The following EFHC2 variants were observed in gnomAD, a reference collection of about 807,000 sequenced individuals.
EFHC2 encodes the protein EF-hand domain-containing family member C2.
A neutral mutation model predicts 52.7 loss-of-function variants in EFHC2; 18 were observed. That is an observed-to-expected ratio of 0.34 (90% CI 0.24 to 0.51). The LOEUF (loss-of-function observed/expected upper bound fraction) is 0.51. Ranked by LOEUF, EFHC2 falls within the 20% of genes least tolerant of loss-of-function variation. The pLI is 0.97. For synonymous variants in EFHC2, 203 were observed against 204.1 expected, an observed-to-expected ratio of 0.99 and a Z score of 0.04; for missense variants, 513 against 562.5, an observed-to-expected ratio of 0.91 and a Z score of 0.89.
chrX:44,208,986 C>G (rs1337552460), intron 11 of EFHC2, among the ~76,000 whole-genome samples: 1 of 105,007 alleles, frequency 9.5e-6, no homozygotes, highest in Non-Finnish European at 1.9e-5. Flanking sequence ...GGGGAAAGGA[C>G]AGACAATGCA....
chrX:44,333,252 T>G (rs1337102728), intron 1 of EFHC2, among the ~76,000 whole-genome samples: 1 of 111,394 alleles, frequency 9.0e-6, no homozygotes, highest in African/African-American at 3.3e-5. Context: ...TGCAAGCTTA[T>G]GTAGACAGAT....
chrX:44,208,458 A>G (rs2037065895), intron 11 of EFHC2, among the ~76,000 whole-genome samples: 1 of 111,663 alleles, frequency 9.0e-6, no homozygotes, highest in Admixed American at 9.5e-5. Flanking sequence ...ATACATAAAG[A>G]TGGAAATTAT....
intron 11 of EFHC2, among the ~76,000 whole-genome samples, chrX:44,207,743 CA>C (rs1343827841): frequency 8.9e-6 from 1 of 111,816 alleles, no homozygotes; most frequent in African/African-American, 3.3e-5. Flanking sequence ...ATAATATTTG[CA>C]AACTATGAAC....
chrX:44,195,026 C>T (rs943908056), intron 11 of EFHC2, among the ~76,000 whole-genome samples: 4 of 111,944 alleles, frequency 3.6e-5, no homozygotes, highest in Non-Finnish European at 7.5e-5. Context: ...ATTTCCATTC[C>T]CTCTGTGGGA....
chrX:44,181,237 T>C (rs1271447462), intron 11 of EFHC2, among the ~76,000 whole-genome samples: 1 of 111,509 alleles, frequency 9.0e-6, no homozygotes, highest in Non-Finnish European at 1.9e-5. Flanking sequence ...GAAGGATGCA[T>C]GCCAAAACAT....
At chrX:44,310,270 C>CGGGT (rs1556023739) in intron 2 of EFHC2, 34 of 1,016,212 alleles carry the variant, frequency 3.3e-5, no homozygotes, top group African/African-American at 5.6e-5. Flanking sequence ...AGCAGCGGCT[C>CGGGT]ATCCTCCACG....
At chrX:44,319,663 T>C (rs963932653) in intron 1 of EFHC2, among the ~76,000 whole-genome samples, 2 of 112,590 alleles carry the variant, frequency 1.8e-5, no homozygotes, top group Non-Finnish European at 3.8e-5. Flanking sequence ...TTTTCATTTC[T>C]TTTTTTCTTA....
At chrX:44,263,855 A>T (rs2037558303) in intron 3 of EFHC2, among the ~76,000 whole-genome samples, 1 of 112,014 alleles carries the variant, frequency 8.9e-6, no homozygotes, top group South Asian at 3.8e-4. Context: ...TAGAAATTCA[A>T]ATAAGCAAGT....
chrX:44,162,086 C>T (rs2036659432), intron 14 of EFHC2, among the ~76,000 whole-genome samples: 2 of 111,673 alleles, frequency 1.8e-5, no homozygotes, highest in African/African-American at 3.3e-5. Flanking sequence ...AGTTGGCACA[C>T]AGTAAATGCT....
intron 11 of EFHC2, among the ~76,000 whole-genome samples, chrX:44,199,704 G>A (rs900489069): frequency 8.9e-6 from 1 of 111,833 alleles, no homozygotes; most frequent in African/African-American, 3.2e-5. Context: ...TGAATCAAGT[G>A]ATCAAGGCCA....
chrX:44,167,185 C>A (rs1459675435), intron 13 of EFHC2, among the ~76,000 whole-genome samples: 1 of 112,288 alleles, frequency 8.9e-6, no homozygotes, highest in Non-Finnish European at 1.9e-5. Flanking sequence ...TACTAACCTT[C>A]TTCTGGTTCC....
intron 11 of EFHC2, among the ~76,000 whole-genome samples, chrX:44,203,772 G>A (rs1434011095): frequency 1.8e-5 from 2 of 110,648 alleles, no homozygotes; most frequent in Non-Finnish European, 3.8e-5. Context: ...TTTTTCTTTC[G>A]TAGAGATTCA....
At chrX:44,332,145 C>T (rs902127895) in intron 1 of EFHC2, among the ~76,000 whole-genome samples, 1 of 110,333 alleles carries the variant, frequency 9.1e-6, no homozygotes, top group Non-Finnish European at 1.9e-5. Context: ...TAGGTCTGAA[C>T]ACAGCTGAGC....
At chrX:44,310,493 A>G in intron 2 of EFHC2, 1 of 510,425 alleles carries the variant, frequency 2.0e-6, no homozygotes, top group South Asian at 3.9e-5. Context: ...AGCGCGGCAA[A>G]GGAGAGTGAG....
chrX:44,215,517 G>GC (rs1327311025), intron 11 of EFHC2, among the ~76,000 whole-genome samples: 1 of 94,139 alleles, frequency 1.1e-5, no homozygotes. Context: ...TCAAGAGAAA[G>GC]CATACTTCCA....
intron 2 of EFHC2, among the ~76,000 whole-genome samples, chrX:44,289,706 G>C (rs2037779098): frequency 1.3e-5 from 1 of 77,307 alleles, no homozygotes; most frequent in African/African-American, 5.2e-5. Flanking sequence ...TTTTGAGACA[G>C]AGACTCACTC....
intron 2 of EFHC2, among the ~76,000 whole-genome samples, chrX:44,283,102 G>T (rs1217890822): frequency 1.8e-5 from 2 of 112,091 alleles, no homozygotes; most frequent in Admixed American, 1.9e-4. Context: ...TGATCCCTAA[G>T]GTGTCTTGTA....
At chrX:44,342,525 C>A (rs2090974355) in intron 1 of EFHC2, among the ~76,000 whole-genome samples, 1 of 111,505 alleles carries the variant, frequency 9.0e-6, no homozygotes, top group Non-Finnish European at 1.9e-5. Flanking sequence ...AAAGTTCTTT[C>A]ATGCTCAGGG....
chrX:44,234,878 G>A (rs978986646), intron 9 of EFHC2, among the ~76,000 whole-genome samples: 1 of 111,775 alleles, frequency 8.9e-6, no homozygotes, highest in Non-Finnish European at 1.9e-5. Context: ...TTGAATTTGT[G>A]TATCTGGGAT....
Sources: gnomAD v4.1 joint callset for allele counts (sites outside exome capture counted in the v4.1 genomes callset) on GRCh38, gnomAD v4.1.1 for gene constraint, MANE v1.5 for transcripts, NCBI Gene and HGNC (gene_info 2026-07-23, HGNC 2026-07-21) for gene names.